ARHGAP39: variants seen among roughly 807,000 people sequenced by gnomAD.
ARHGAP39 encodes Rho GTPase activating protein 39, also known as rho GTPase-activating protein 39.
Under a neutral mutation model 106.9 loss-of-function variants are expected in ARHGAP39, and 44 were observed. That is an observed-to-expected ratio of 0.41 (90% confidence interval 0.32 to 0.53). The LOEUF (loss-of-function observed/expected upper bound fraction) is 0.53. Among genes scored for constraint, ARHGAP39 ranks in the 20% least tolerant of loss-of-function variants. The probability of loss-of-function intolerance (pLI) is 0.21; values close to 1 mark genes in which losing one functional copy is unlikely to be tolerated. For synonymous variants in ARHGAP39, 768 were observed against 693.2 expected (o/e 1.11, Z -1.69); for missense variants, 1,496 against 1,577.3 (o/e 0.95, Z 0.87).
rs1816620039 is a variant in ARHGAP39 at position 144,530,238 on chromosome 8, G to A, written c.*184C>T. On this transcript the variant is annotated 3_prime_UTR_variant, in exon 12 of 12. Coordinates refer to ENST00000377307, the MANE Select transcript of ARHGAP39 (RefSeq NM_025251.3). ...CAGAGGCGCCCTCCCCGCCGCTGCT[G>A]TGCCCTGGCTGCACCCTCAGACCAG... The A allele has an allele frequency of 7.5e-6, 5 of 668,492 alleles. No homozygotes were observed. The highest frequency in any genetic ancestry group is 1.2e-5 in the Non-Finnish European group (5 of 405,516). The allele number at this position is 668,492 out of a possible 1,614,324, so 41.4% of individuals were successfully genotyped here. A position where few individuals can be genotyped will look rare whatever the true frequency, so the allele number is the denominator to read the frequency against.
At chr8:144,605,865 G>A in intron 1 of ARHGAP39, 170 bp from the exon 2 acceptor site, 3 of 539,332 alleles carry the variant, frequency 5.6e-6, no homozygotes, top group Non-Finnish European at 1.0e-5. Context: ...CTGATGCCTG[G>A]CCCTGCGTTG....
At chr8:144,549,555 C>G (rs773229341) in intron 4 of ARHGAP39, among the ~76,000 whole-genome samples, 1 of 152,180 alleles carries the variant, frequency 6.6e-6, no homozygotes, top group South Asian at 2.1e-4. Flanking sequence ...TATAGCGGCA[C>G]GGTCTTGCCT....
At position 144,547,139 on chromosome 8, in the gene ARHGAP39, G is replaced by T. The variant is rs760254204; in HGVS notation, c.1947C>A (p.Leu649=). 2.5e-6 allele frequency: 4 copies of T among 1,599,738 alleles called. No homozygotes were observed. Among genetic ancestry groups the T allele is most frequent in the African/African-American group, 1.3e-5 (1 of 74,750 alleles). ...QTNLASPEPY[L]HPSQSEDLAA... is the part of the protein sequence containing the mutation. Reference sequence around the variant, plus strand: ...ATTGGGCCCTCACCTGTGAGGGGTGGAGGTAGGGCTCTGGTGAGGCCAGGT... The same window carrying T: ...ATTGGGCCCTCACCTGTGAGGGGTGTAGGTAGGGCTCTGGTGAGGCCAGGT... The change falls in exon 5 of 12, where the codon CTC becomes CTA. Residue 649 remains leucine (L), a synonymous_variant. Coordinates refer to ENST00000377307, the MANE Select transcript of ARHGAP39 (RefSeq NM_025251.3). This position sits in a 1 kb window ranked among gnomAD's most constrained non-coding sequence, Gnocchi z 5.2.
the ARHGAP39 span, among the ~76,000 whole-genome samples, chr8:144,693,258 T>G: frequency 3.3e-5 from 5 of 150,238 alleles, no homozygotes; most frequent in Admixed American, 6.7e-5. Context: ...AGAGGTGAGG[T>G]TTCGCCATGT....
chr8:144,560,698 G>A (rs942587087), intron 3 of ARHGAP39, among the ~76,000 whole-genome samples: 5 of 152,138 alleles, frequency 3.3e-5, no homozygotes, highest in Non-Finnish European at 4.4e-5. Context: ...AGCGGTGCGC[G>A]GGTTACTCTG....
At chr8:144,665,880 T>G (rs1456425462) in intron 1 of ARHGAP39, among the ~76,000 whole-genome samples, 3 of 152,136 alleles carry the variant, frequency 2.0e-5, no homozygotes. Flanking sequence ...AGTGGATCTG[T>G]GAGAAGAGGG....
chr8:144,667,344 C>G (rs553824511), intron 1 of ARHGAP39, among the ~76,000 whole-genome samples: 1 of 152,338 alleles, frequency 6.6e-6, no homozygotes, highest in African/African-American at 2.4e-5. Context: ...CTTCCTTCAC[C>G]TGCCCAAATG....
chr8:144,633,620 C>A (rs1453242306), intron 1 of ARHGAP39, among the ~76,000 whole-genome samples: 1 of 152,192 alleles, frequency 6.6e-6, no homozygotes, highest in East Asian at 1.9e-4. Context: ...ACTTTCAAGT[C>A]ACACTACATT....
chr8:144,660,221 A>C (rs905192158), intron 1 of ARHGAP39, among the ~76,000 whole-genome samples: 1 of 152,184 alleles, frequency 6.6e-6, no homozygotes, highest in Non-Finnish European at 1.5e-5. Context: ...TCAGCTCTGC[A>C]GCACCTATTC....
At position 144,576,386 on chromosome 8, in the gene ARHGAP39, CT is replaced by C. The variant is rs1818779048; in HGVS notation, c.512+4459del. Among the ~76,000 whole-genome samples, 2 of 148,988 alleles carry C rather than the reference CT, an allele frequency of 1.3e-5. 1 individual carries two copies. The highest frequency in any genetic ancestry group is 1.3e-4 in the Admixed American group (2 of 14,996). On this transcript the variant is annotated intron_variant, in intron 3 of 11. Coordinates refer to ENST00000377307, the MANE Select transcript of ARHGAP39 (RefSeq NM_025251.3). ...CGAAAAAAAACCTCCCACAGAGCTTCTCATGGAAGTCCTGGCCCCAATAGCC... is the reference window on the plus strand; with the variant it reads ...CGAAAAAAAACCTCCCACAGAGCTTCCATGGAAGTCCTGGCCCCAATAGCC...
At chr8:144,609,164 A>G (rs1384860036) in intron 1 of ARHGAP39, among the ~76,000 whole-genome samples, 1 of 152,232 alleles carries the variant, frequency 6.6e-6, no homozygotes, top group African/African-American at 2.4e-5. Flanking sequence ...ACCATTAAGT[A>G]TGATGTTGAC....
Position 144,572,978 on chromosome 8 carries a change from C to T in ARHGAP39, c.512+7868G>A, listed in dbSNP as rs576474807. On this transcript the variant is annotated intron_variant, in intron 3 of 11. Coordinates refer to ENST00000377307, the MANE Select transcript of ARHGAP39 (RefSeq NM_025251.3). Reference sequence around the variant, plus strand: ...TTAAAAAGTCAGGAAACAACAGGTGCTGGAGAGGATGTCCCACTGTTGGTG... The same window carrying T: ...TTAAAAAGTCAGGAAACAACAGGTGTTGGAGAGGATGTCCCACTGTTGGTG... Among the ~76,000 whole-genome samples, 8 of 152,172 alleles carry T rather than the reference C, an allele frequency of 5.3e-5. No individual in the cohort carries two copies. The East Asian group carries it at 1.5e-3, about 29-fold the overall frequency.
At chr8:144,602,032 T>C (rs1820000825) in intron 2 of ARHGAP39, among the ~76,000 whole-genome samples, 2 of 139,264 alleles carry the variant, frequency 1.4e-5, no homozygotes, top group Admixed American at 1.4e-4. Context: ...TGTGTGCTCG[T>C]GAACCTGTGT....
intron 1 of ARHGAP39, among the ~76,000 whole-genome samples, chr8:144,629,465 C>A (rs1235120085): frequency 2.0e-5 from 3 of 152,226 alleles, no homozygotes; most frequent in African/African-American, 7.2e-5. Flanking sequence ...CTGCAGCAGG[C>A]TGGGGAAGGC....
chr8:144,532,521 C>T (rs955922712), intron 9 of ARHGAP39, 125 bp from the exon 10 acceptor site: 5 of 801,572 alleles, frequency 6.2e-6, no homozygotes, highest in Admixed American at 2.4e-5. Context: ...CAGGACCCCC[C>T]GCCACCCCGG....
At chr8:144,574,547 A>G (rs566273262) in intron 3 of ARHGAP39, among the ~76,000 whole-genome samples, 7 of 151,968 alleles carry the variant, frequency 4.6e-5, no homozygotes, top group Admixed American at 1.3e-4. Context: ...GGTGGCGGGC[A>G]CCTGTAGTCC....
rs748749105 is a variant in ARHGAP39 at position 144,585,471 on chromosome 8, C to A, written c.81-4194G>T. Among the ~76,000 whole-genome samples, 15 of 151,842 alleles carry A rather than the reference C, an allele frequency of 9.9e-5. No homozygotes were observed. Among genetic ancestry groups the A allele is most frequent in the Admixed American group, 9.8e-4 (15 of 15,252 alleles). ...AACCTGGAGGGGCCAGCCAAGGGTT[C>A]CCAGCACTGGCTTCCCCTCGTGCAC... is the stretch of plus-strand genomic sequence containing the variant. On this transcript the variant is annotated intron_variant, in intron 2 of 11. Transcript: ENST00000377307. The surrounding 1 kb of genome is among the most constrained non-coding windows in gnomAD (Gnocchi z 4.6).
intron 1 of ARHGAP39, among the ~76,000 whole-genome samples, chr8:144,621,419 T>C (rs923710815): frequency 1.3e-5 from 2 of 152,162 alleles, no homozygotes; most frequent in South Asian, 2.1e-4. Flanking sequence ...GACAGTCCCA[T>C]GGCTTCATAT....
intron 3 of ARHGAP39, among the ~76,000 whole-genome samples, chr8:144,558,313 GTC>G (rs1286538008): frequency 1.3e-5 from 2 of 151,872 alleles, no homozygotes; most frequent in Non-Finnish European, 2.9e-5. Flanking sequence ...GGGGGATGGA[GTC>G]TCTCTCTCTC....
Sources: allele counts gnomAD v4.1 joint callset (sites outside exome capture counted in the v4.1 genomes callset), GRCh38; gene constraint gnomAD v4.1.1; non-coding constraint Gnocchi (gnomAD v3.1); transcripts MANE v1.5; gene names NCBI Gene and HGNC (gene_info 2026-07-23, HGNC 2026-07-21).